Variants in FAM193A observed in about 807,000 individuals in gnomAD.
FAM193A encodes the protein protein FAM193A.
A neutral mutation model predicts 126.5 loss-of-function variants in FAM193A; 22 were observed. The observed-to-expected ratio is 0.17, with a 90% confidence interval of 0.12 to 0.25. The LOEUF (loss-of-function observed/expected upper bound fraction) is 0.25. Among genes scored for constraint, FAM193A ranks in the 10% least tolerant of loss-of-function variants. The pLI is 1.00. For missense variants in FAM193A, 1,675 were observed against 1,672.8 expected (o/e 1.00, Z -0.02); for synonymous variants, 761 against 646.8 (o/e 1.18, Z -2.68).
chr4:2,685,708 C>T (rs1437491845), intron 13 of FAM193A, among the ~76,000 whole-genome samples: 1 of 152,218 alleles, frequency 6.6e-6, no homozygotes, highest in Non-Finnish European at 1.5e-5. Context: ...GGCCTCATGA[C>T]TCAGTCTGCG....
At chr4:2,633,780 C>G (rs1394056341) in intron 5 of FAM193A, among the ~76,000 whole-genome samples, 1 of 152,108 alleles carries the variant, frequency 6.6e-6, no homozygotes, top group African/African-American at 2.4e-5. Flanking sequence ...ATAATCCCAG[C>G]TACTTGGGAG....
At chr4:2,594,767 A>G (rs918845100) in intron 1 of FAM193A, among the ~76,000 whole-genome samples, 2 of 149,304 alleles carry the variant, frequency 1.3e-5, no homozygotes, top group Non-Finnish European at 3.0e-5. Flanking sequence ...TTGGGACTTT[A>G]ACCCCATTTC....
chr4:2,682,730 T>C (rs1372057411), intron 13 of FAM193A, among the ~76,000 whole-genome samples: 2 of 152,214 alleles, frequency 1.3e-5, no homozygotes, highest in Non-Finnish European at 2.9e-5. Flanking sequence ...CTAATCTGAG[T>C]CCTTTTTCAA....
At chr4:2,582,434 G>A (rs1399061640) in intron 1 of FAM193A, among the ~76,000 whole-genome samples, 1 of 152,092 alleles carries the variant, frequency 6.6e-6, no homozygotes, top group Non-Finnish European at 1.5e-5. Context: ...ATCGTACTTG[G>A]TCAGTGTTTA....
rs1178807012 is a variant in FAM193A at position 2,617,258 on chromosome 4, A to T, written c.502-8004A>T. Among the ~76,000 whole-genome samples the T allele has an allele frequency of 4.0e-3, 150 of 37,264 alleles. 7 individuals carry two copies. The highest frequency in any genetic ancestry group is 0.036 in the African/African-American group (129 of 3,592). 24.4% of individuals were successfully genotyped at this position (37,264 alleles called of 152,430 possible). On this transcript the variant is annotated intron_variant, in intron 2 of 20. Transcript: ENST00000637812. Reference sequence around the variant, plus strand: ...GTTTTTATTATATATATATATATATATATATTTTTTTTTTTTTTTTTTTTT... The same window carrying T: ...GTTTTTATTATATATATATATATATTTATATTTTTTTTTTTTTTTTTTTTT...
At chr4:2,633,896 A>C (rs1429179999) in intron 5 of FAM193A, among the ~76,000 whole-genome samples, 4 of 152,186 alleles carry the variant, frequency 2.6e-5, no homozygotes, top group African/African-American at 9.6e-5. Flanking sequence ...TCCGTCTCAA[A>C]AAAAAGATGA....
intron 1 of FAM193A, among the ~76,000 whole-genome samples, chr4:2,565,313 G>A (rs1221631657): frequency 1.1e-4 from 14 of 132,894 alleles, no homozygotes; most frequent in Admixed American, 2.9e-4. Context: ...AGGCTGGAGT[G>A]CAGTGGTGCG....
intron 1 of FAM193A, among the ~76,000 whole-genome samples, chr4:2,566,441 A>G (rs1240244731): frequency 2.0e-5 from 3 of 152,120 alleles, no homozygotes; most frequent in African/African-American, 7.2e-5. Flanking sequence ...TGTAATCCCA[A>G]CGCTTTGTGA....
intron 2 of FAM193A, among the ~76,000 whole-genome samples, chr4:2,602,346 T>C (rs932505112): frequency 3.3e-5 from 5 of 149,724 alleles, no homozygotes; most frequent in African/African-American, 1.2e-4. Flanking sequence ...TCTAGAGATG[T>C]TCTGTTCTTT....
intron 1 of FAM193A, among the ~76,000 whole-genome samples, chr4:2,590,145 A>G (rs1377192965): frequency 6.7e-6 from 1 of 149,212 alleles, no homozygotes; most frequent in Non-Finnish European, 1.5e-5. Flanking sequence ...AAAAAAAAAA[A>G]AAAAGAAAGA....
chr4:2,636,691 G>C (rs1382906636), intron 5 of FAM193A, among the ~76,000 whole-genome samples: 1 of 152,194 alleles, frequency 6.6e-6, no homozygotes, highest in African/African-American at 2.4e-5. Flanking sequence ...CTTTAAATGT[G>C]TAGGATCTTT....
At chr4:2,603,195 G>A (rs564711101) in intron 2 of FAM193A, among the ~76,000 whole-genome samples, 98 of 149,108 alleles carry the variant, frequency 6.6e-4, no homozygotes, top group African/African-American at 2.2e-3. Flanking sequence ...GGGTTTCACC[G>A]TGTTAGCCAG....
chr4:2,542,467 T>C (rs545372518), intron 1 of FAM193A, among the ~76,000 whole-genome samples: 60 of 152,296 alleles, frequency 3.9e-4, no homozygotes, highest in Admixed American at 9.2e-4. Flanking sequence ...TTTAAAGCTG[T>C]CTTTAGTTTT....
chr4:2,629,302 CTG>C (rs141285556), intron 4 of FAM193A, among the ~76,000 whole-genome samples: 86 of 151,606 alleles, frequency 5.7e-4, no homozygotes, highest in African/African-American at 2.0e-3. Flanking sequence ...TTGGTTGTCT[CTG>C]TCAAAATTTG....
At chr4:2,583,126 C>A (rs1054417076) in intron 1 of FAM193A, among the ~76,000 whole-genome samples, 1 of 152,160 alleles carries the variant, frequency 6.6e-6, no homozygotes, top group Non-Finnish European at 1.5e-5. Flanking sequence ...CCATGCCCAG[C>A]CAATTATTGT....
chr4:2,604,169 C>T (rs1018986107), intron 2 of FAM193A, among the ~76,000 whole-genome samples: 2 of 152,146 alleles, frequency 1.3e-5, no homozygotes, highest in Admixed American at 1.3e-4. Context: ...ATCATGTTGA[C>T]TTTTAATTTA....
chr4:2,662,249 C>T (rs1032670854), intron 10 of FAM193A, among the ~76,000 whole-genome samples: 4 of 152,158 alleles, frequency 2.6e-5, no homozygotes, highest in African/African-American at 9.7e-5. Flanking sequence ...GCTTAGATGT[C>T]TTGCTAAAGC....
intron 1 of FAM193A, among the ~76,000 whole-genome samples, chr4:2,575,574 C>T (rs763338993): frequency 5.4e-5 from 8 of 148,730 alleles, no homozygotes; most frequent in Non-Finnish European, 7.4e-5. Flanking sequence ...TCAAGTGATT[C>T]TCCTGCCTTA....
intron 13 of FAM193A, among the ~76,000 whole-genome samples, chr4:2,683,334 G>T (rs895708119): frequency 6.7e-6 from 1 of 149,112 alleles, no homozygotes; most frequent in Non-Finnish European, 1.5e-5. Context: ...TTGCTCAGCC[G>T]CCCAGGCTGG....
Sources: allele counts gnomAD v4.1 joint callset (sites outside exome capture counted in the v4.1 genomes callset), GRCh38; gene constraint gnomAD v4.1.1; transcripts MANE v1.5; gene names NCBI Gene and HGNC (gene_info 2026-07-23, HGNC 2026-07-21).